Variants in ADARB2 observed in about 807,000 individuals in gnomAD.
The protein encoded by ADARB2 is inactive double-stranded RNA-specific editase B2.
ADARB2 carries 25 observed loss-of-function variants against 62.2 expected under a neutral mutation model. That is an observed-to-expected ratio of 0.40 (90% CI 0.29 to 0.56). ADARB2 has a LOEUF of 0.56. ADARB2 is among the 20% of genes least tolerant of loss of function. The pLI is 0.43. For synonymous variants in ADARB2, 572 were observed against 500.8 expected (o/e 1.14, Z -1.90); for missense variants, 1,071 against 1,077.4 (o/e 0.99, Z 0.08).
At chr10:1,538,704 G>A (rs985421097) in intron 1 of ADARB2, among the ~76,000 whole-genome samples, 35 of 152,326 alleles carry the variant, frequency 2.3e-4, no homozygotes, top group African/African-American at 6.5e-4. Flanking sequence ...CGAGGGGCTC[G>A]AGGTCCTTTA....
intron 3 of ADARB2, among the ~76,000 whole-genome samples, chr10:1,278,373 A>C (rs1416397440): frequency 1.3e-5 from 2 of 151,592 alleles, no homozygotes; most frequent in East Asian, 3.9e-4. Context: ...TTTGGTGTAC[A>C]AGTGACCCAG....
chr10:1,514,885 A>G (rs1831989556), intron 1 of ADARB2, among the ~76,000 whole-genome samples: 1 of 152,164 alleles, frequency 6.6e-6, no homozygotes, highest in Non-Finnish European at 1.5e-5. Flanking sequence ...CTCTGTGCTC[A>G]CGGCAAGACC....
chr10:1,224,173 A>G (rs1292629774), intron 6 of ADARB2, among the ~76,000 whole-genome samples: 5 of 152,154 alleles, frequency 3.3e-5, no homozygotes, highest in African/African-American at 9.7e-5. Context: ...GTGTCGAGGA[A>G]TTTATCCATT....
intron 3 of ADARB2, among the ~76,000 whole-genome samples, chr10:1,305,143 A>T (rs1170813061): frequency 6.9e-6 from 1 of 145,680 alleles, no homozygotes; most frequent in Non-Finnish European, 1.5e-5. Flanking sequence ...AACAAAATTG[A>T]TAGACCACTA....
intron 1 of ADARB2, among the ~76,000 whole-genome samples, chr10:1,473,143 T>C (rs1831348870): frequency 6.6e-6 from 1 of 152,314 alleles, no homozygotes; most frequent in East Asian, 1.9e-4. Flanking sequence ...ACCCGTCCTT[T>C]GGAAGAGGCT....
intron 1 of ADARB2, among the ~76,000 whole-genome samples, chr10:1,676,725 G>A (rs1834470750): frequency 6.6e-6 from 1 of 152,162 alleles, no homozygotes; most frequent in Non-Finnish European, 1.5e-5. Context: ...AAATATTTAG[G>A]TGATTGTTTA....
At chr10:1,301,872 GCTC>G (rs1459280772) in intron 3 of ADARB2, among the ~76,000 whole-genome samples, 1 of 152,138 alleles carries the variant, frequency 6.6e-6, no homozygotes. Flanking sequence ...ACATGCACCT[GCTC>G]CTCTATTATC....
At position 1,706,648 on chromosome 10, in the gene ADARB2, A is replaced by G. The variant is rs80028804; in HGVS notation, c.100+30403T>C. On this transcript the variant is annotated intron_variant, in intron 1 of 9. Coordinates refer to ENST00000381312, the MANE Select transcript of ADARB2 (RefSeq NM_018702.4). ...ACAGAGGGCCTGGCGCTGGACTAGA[A>G]TCTGCAGGATGATGTTGCTTTCTGC... is the stretch of plus-strand genomic sequence containing the variant. Among the ~76,000 whole-genome samples, 2,188 of 152,342 alleles carry G rather than the reference A, an allele frequency of 0.014. 140 individuals carry two copies. In the East Asian group the frequency reaches 0.18, roughly 13 times the overall value.
chr10:1,293,233 G>GGAGA (rs1831491747), intron 3 of ADARB2, among the ~76,000 whole-genome samples: 1 of 129,040 alleles, frequency 7.7e-6, no homozygotes, highest in South Asian at 3.0e-4. Context: ...GGACGGGGAG[G>GGAGA]GAGAGAGGGA....
chr10:1,656,096 A>C (rs899904876), intron 1 of ADARB2, among the ~76,000 whole-genome samples: 1 of 152,228 alleles, frequency 6.6e-6, no homozygotes, highest in African/African-American at 2.4e-5. Context: ...AATTGTAAGC[A>C]CTTTTATTAA....
At chr10:1,281,774 G>A (rs1035504649) in intron 3 of ADARB2, among the ~76,000 whole-genome samples, 6 of 152,032 alleles carry the variant, frequency 3.9e-5, no homozygotes, top group Non-Finnish European at 8.8e-5. Context: ...TTTTTTTTCC[G>A]TTTAAAAAGC....
chr10:1,601,840 G>C (rs1833419304), intron 1 of ADARB2, among the ~76,000 whole-genome samples: 1 of 152,198 alleles, frequency 6.6e-6, no homozygotes, highest in African/African-American at 2.4e-5. Flanking sequence ...GAAAAGTTCA[G>C]TTTCAATAGA....
At chr10:1,481,787 G>A (rs552914631) in intron 1 of ADARB2, among the ~76,000 whole-genome samples, 5 of 151,166 alleles carry the variant, frequency 3.3e-5, no homozygotes, top group African/African-American at 1.2e-4. Context: ...AACCCAGGAG[G>A]TGAAGTTTGC....
chr10:1,418,497 C>T (rs545346977), intron 1 of ADARB2, among the ~76,000 whole-genome samples: 94 of 152,306 alleles, frequency 6.2e-4, no homozygotes, highest in Non-Finnish European at 1.2e-3. Context: ...CTCTGATACT[C>T]AAATGTCACT....
rs1588232890 is a variant in ADARB2 at position 1,363,481 on chromosome 10, G to C, written c.624C>G (p.Pro208=). ...CCTGGTCGGAGGTGAAGTCCGTGCCGGGGCCCGGGCCCCCGCCCATGGCCA... is the reference window on the plus strand; with the variant it reads ...CCTGGTCGGAGGTGAAGTCCGTGCCCGGGCCCGGGCCCCCGCCCATGGCCA... ...AHLAMGGGPG[P]GTDFTSDQAD... The change falls in exon 3 of 10, where the codon CCC becomes CCG. Residue 208 remains proline, a synonymous_variant. Transcript: ENST00000381312. The C allele has an allele frequency of 1.3e-6, 2 of 1,494,808 alleles. No homozygotes were observed. The highest frequency in any genetic ancestry group is 1.8e-6 in the Non-Finnish European group (2 of 1,126,846). 92.6% of individuals were successfully genotyped at this position (1,494,808 alleles called of 1,614,324 possible). A position where few individuals can be genotyped will look rare whatever the true frequency, so the allele number is the denominator to read the frequency against.
intron 1 of ADARB2, among the ~76,000 whole-genome samples, chr10:1,503,953 C>A (rs968747821): frequency 6.6e-6 from 1 of 152,310 alleles, no homozygotes; most frequent in East Asian, 1.9e-4. Flanking sequence ...ATTTAAACCT[C>A]TTTTCTTTAT....
intron 3 of ADARB2, among the ~76,000 whole-genome samples, chr10:1,284,081 A>T (rs1383511355): frequency 6.6e-6 from 1 of 152,042 alleles, no homozygotes. Flanking sequence ...TTCCAGGCCA[A>T]GGAGTTCATC....
At chr10:1,638,045 A>T (rs528355717) in intron 1 of ADARB2, among the ~76,000 whole-genome samples, 17 of 152,336 alleles carry the variant, frequency 1.1e-4, no homozygotes, top group Admixed American at 3.9e-4. Flanking sequence ...GAGATGCTCC[A>T]GGCTGTTTTC....
At chr10:1,539,980 G>A (rs1412621053) in intron 1 of ADARB2, among the ~76,000 whole-genome samples, 2 of 151,658 alleles carry the variant, frequency 1.3e-5, no homozygotes, top group African/African-American at 4.8e-5. Flanking sequence ...TTCTTTTGGT[G>A]GTTGACAAGT....
Sources: allele counts gnomAD v4.1 joint callset (sites outside exome capture counted in the v4.1 genomes callset), GRCh38; gene constraint gnomAD v4.1.1; transcripts MANE v1.5; gene names NCBI Gene and HGNC (gene_info 2026-07-23, HGNC 2026-07-21).